Variants in MRTFA observed in about 807,000 individuals in gnomAD.
MRTFA encodes myocardin related transcription factor A, also known as myocardin-related transcription factor A.
In MRTFA, 20 loss-of-function variants were observed where a neutral mutation model predicts 83.5. The ratio of observed to expected loss-of-function variants is 0.24; its 90% CI spans 0.17 to 0.35. The LOEUF (loss-of-function observed/expected upper bound fraction) is 0.35. Among genes scored for constraint, MRTFA ranks in the 10% least tolerant of loss-of-function variants. MRTFA has a pLI of 1.00. For synonymous variants in MRTFA, 659 were observed against 541.2 expected (o/e 1.22, Z -3.02); for missense variants, 1,200 against 1,224.7 (o/e 0.98, Z 0.30).
At chr22:40,547,455 A>G (rs1439127021) in intron 3 of MRTFA, among the ~76,000 whole-genome samples, 1 of 152,136 alleles carries the variant, frequency 6.6e-6, no homozygotes, top group Non-Finnish European at 1.5e-5. Flanking sequence ...ACTTCAATGA[A>G]AGCACAGCAA....
chr22:40,626,349 G>A (rs986937424), intron 1 of MRTFA, among the ~76,000 whole-genome samples: 2 of 151,706 alleles, frequency 1.3e-5, no homozygotes, highest in Non-Finnish European at 1.5e-5. Context: ...GTGCAGTGGC[G>A]CAACTACAGC....
At chr22:40,580,154 T>C (rs539495153) in intron 2 of MRTFA, among the ~76,000 whole-genome samples, 2 of 152,158 alleles carry the variant, frequency 1.3e-5, no homozygotes, top group South Asian at 2.1e-4. Flanking sequence ...GTAAAAAAAA[T>C]ATGTAAGCCC....
intron 14 of MRTFA, among the ~76,000 whole-genome samples, chr22:40,413,308 A>G (rs1057425882): frequency 2.0e-5 from 3 of 151,594 alleles, no homozygotes; most frequent in East Asian, 3.9e-4. Flanking sequence ...AAACAACAAC[A>G]AAAAAAGGTA....
intron 1 of MRTFA, among the ~76,000 whole-genome samples, chr22:40,631,968 T>A (rs1423882467): frequency 6.6e-6 from 1 of 152,172 alleles, no homozygotes; most frequent in Non-Finnish European, 1.5e-5. Flanking sequence ...GACCCTCACC[T>A]CCTGCCATTT....
chr22:40,541,794 G>A (rs1479669901), intron 3 of MRTFA, among the ~76,000 whole-genome samples: 1 of 151,606 alleles, frequency 6.6e-6, no homozygotes, highest in Non-Finnish European at 1.5e-5. Context: ...AACCTCCCAA[G>A]TAGCTGGGAT....
At chr22:40,590,163 C>T (rs908702366) in intron 2 of MRTFA, among the ~76,000 whole-genome samples, 1 of 151,898 alleles carries the variant, frequency 6.6e-6, no homozygotes, top group African/African-American at 2.4e-5. Context: ...GTTTGTTGCT[C>T]TAAGAAGATG....
chr22:40,466,665 T>C (rs1410392483), intron 3 of MRTFA, among the ~76,000 whole-genome samples: 3 of 152,204 alleles, frequency 2.0e-5, no homozygotes, highest in Non-Finnish European at 2.9e-5. Context: ...AAGGGAACAA[T>C]GCAATTCAGT....
chr22:40,420,818 G>A lies in MRTFA; in HGVS notation c.1181+29C>T, dbSNP rs75265520. The A allele has an allele frequency of 1.4e-3, 2,180 of 1,611,188 alleles. 38 individuals carry two copies. In the East Asian group the frequency reaches 0.031, roughly 23 times the overall value. On this transcript the variant is annotated intron_variant, in intron 10 of 14. Transcript: ENST00000355630. ...GGCTCAGGGTGGCTCGGGGAGGGCA[G>A]GGGCAGGCAGTGAGGAGCGGGTGCC...
At chr22:40,554,813 G>A (rs1050214635) in intron 2 of MRTFA, among the ~76,000 whole-genome samples, 1 of 152,230 alleles carries the variant, frequency 6.6e-6, no homozygotes, top group South Asian at 2.1e-4. Context: ...CCGAATGGTA[G>A]AGCCACCAGC....
At chr22:40,534,994 A>G (rs550325311) in intron 3 of MRTFA, among the ~76,000 whole-genome samples, 1 of 152,302 alleles carries the variant, frequency 6.6e-6, no homozygotes, top group South Asian at 2.1e-4. Flanking sequence ...GGTGAGGGAG[A>G]CTCAGTACAA....
chr22:40,551,958 A>C, intron 3 of MRTFA, 148 bp downstream of exon 3: 1 of 374,914 alleles, frequency 2.7e-6, no homozygotes, highest in Non-Finnish European at 4.7e-6. Context: ...TACAATGATC[A>C]CTTTAACTTA....
At chr22:40,503,685 G>GGGA (rs1438722624) in intron 3 of MRTFA, among the ~76,000 whole-genome samples, 1 of 152,136 alleles carries the variant, frequency 6.6e-6, no homozygotes, top group Non-Finnish European at 1.5e-5. Context: ...CCAACACTTT[G>GGGA]GGAGGCCAAG....
chr22:40,614,542 C>T (rs927034512), intron 1 of MRTFA, among the ~76,000 whole-genome samples: 4 of 152,144 alleles, frequency 2.6e-5, no homozygotes, highest in African/African-American at 9.7e-5. Context: ...GACTGGAGTG[C>T]AATGGCGCGA....
At chr22:40,577,615 T>G (rs2055886230) in intron 2 of MRTFA, among the ~76,000 whole-genome samples, 1 of 151,276 alleles carries the variant, frequency 6.6e-6, no homozygotes, top group Non-Finnish European at 1.5e-5. Context: ...TCTGATTTTT[T>G]TTTTTTTTTT....
At position 40,418,778 on chromosome 22, in the gene MRTFA, G is replaced by A; in HGVS notation, c.1960C>T (p.Gln654Ter). Reference sequence around the variant, plus strand: ...TGGGCTCGCTTCTCCTGCTCCAGCTGCAGCTTGAGCCGCTCCACCAGCTGC... The same window carrying A: ...TGGGCTCGCTTCTCCTGCTCCAGCTACAGCTTGAGCCGCTCCACCAGCTGC... Residue 654 changes from glutamine to a stop codon, truncating the protein, a stop_gained, in exon 12 of 15, where the codon CAG (glutamine) becomes TAG (stop). Coordinates refer to ENST00000355630, the MANE Select transcript of MRTFA (RefSeq NM_020831.6). LOFTEE classifies it high-confidence loss of function. 1 of 1,574,632 alleles carries A rather than the reference G, an allele frequency of 6.4e-7. No individual in the cohort carries two copies. Among genetic ancestry groups the A allele is most frequent in the Non-Finnish European group, 8.6e-7 (1 of 1,165,878 alleles).
chr22:40,438,971 C>G (rs187541184), intron 4 of MRTFA, among the ~76,000 whole-genome samples: 166 of 152,250 alleles, frequency 1.1e-3, no homozygotes, highest in African/African-American at 3.3e-3. Flanking sequence ...AAGCACTGTT[C>G]TAGATATTTT....
chr22:40,506,099 T>C (rs1322342933), intron 3 of MRTFA, among the ~76,000 whole-genome samples: 1 of 152,030 alleles, frequency 6.6e-6, no homozygotes, highest in East Asian at 1.9e-4. Context: ...CCGGGCATGG[T>C]AGCGGGCGCC....
At chr22:40,471,021 GAACA>G (rs1345089629) in intron 3 of MRTFA, among the ~76,000 whole-genome samples, 1 of 151,728 alleles carries the variant, frequency 6.6e-6, no homozygotes, top group African/African-American at 2.4e-5. Flanking sequence ...TGTTTGAAAA[GAACA>G]AAATTGATAA....
intron 1 of MRTFA, among the ~76,000 whole-genome samples, chr22:40,616,384 A>C (rs751003484): frequency 3.9e-5 from 6 of 152,212 alleles, no homozygotes; most frequent in Non-Finnish European, 8.8e-5. Flanking sequence ...TGCATTTTAA[A>C]ACTCTGGCTT....
Sources: allele counts gnomAD v4.1 joint callset (sites outside exome capture counted in the v4.1 genomes callset), GRCh38; gene constraint gnomAD v4.1.1; transcripts MANE v1.5; gene names NCBI Gene and HGNC (gene_info 2026-07-23, HGNC 2026-07-21).